Variants in PTPN14 observed in about 807,000 individuals in gnomAD.
PTPN14 encodes the protein tyrosine-protein phosphatase non-receptor type 14.
PTPN14 carries 53 observed loss-of-function variants against 126.8 expected under a neutral mutation model. That is an observed-to-expected ratio of 0.42 (90% CI 0.34 to 0.53). PTPN14 has a LOEUF of 0.53. Ranked by LOEUF, PTPN14 falls within the 20% of genes least tolerant of loss-of-function variation. The pLI is 0.08. For synonymous variants in PTPN14, 630 were observed against 599.3 expected, an observed-to-expected ratio of 1.05 and a Z score of -0.75; for missense variants, 1,257 against 1,552.9, an observed-to-expected ratio of 0.81 and a Z score of 3.20.
At chr1:214,362,907 G>C (rs1657989656) in intron 18 of PTPN14, among the ~76,000 whole-genome samples, 2 of 151,996 alleles carry the variant, frequency 1.3e-5, no homozygotes, top group Admixed American at 1.3e-4. Flanking sequence ...GGGAAGGAAA[G>C]GACGATTAGG....
At chr1:214,424,552 G>A (rs1280054266) in intron 3 of PTPN14, among the ~76,000 whole-genome samples, 1 of 150,190 alleles carries the variant, frequency 6.7e-6, no homozygotes, top group Non-Finnish European at 1.5e-5. Flanking sequence ...TTTTTAGACA[G>A]AGTCTTGCTC....
intron 1 of PTPN14, among the ~76,000 whole-genome samples, chr1:214,506,117 C>G (rs1558133658): frequency 2.0e-5 from 3 of 152,152 alleles, no homozygotes; most frequent in Non-Finnish European, 4.4e-5. Flanking sequence ...GGAAAGGAAA[C>G]TAAGACTGAT....
intron 1 of PTPN14, among the ~76,000 whole-genome samples, chr1:214,517,174 C>T (rs1655124476): frequency 1.3e-5 from 2 of 152,222 alleles, no homozygotes. Context: ...CAGCCCTGCA[C>T]AGCTACCTCC....
chr1:214,427,996 C>G (rs573764574), intron 3 of PTPN14, among the ~76,000 whole-genome samples: 1 of 152,136 alleles, frequency 6.6e-6, no homozygotes, highest in East Asian at 1.9e-4. Flanking sequence ...CAAAAGGCCT[C>G]GCAGGGCACG....
chr1:214,351,594 C>G lies in PTPN14; in HGVS notation c.*6328G>C, dbSNP rs1657710215. 1 of 152,282 alleles carries G rather than the reference C, an allele frequency of 6.6e-6. No homozygotes were observed. The highest frequency in any genetic ancestry group is 2.4e-5 in the African/African-American group (1 of 41,468). The allele number at this position is 152,282 out of a possible 1,614,324, so 9.4% of individuals were successfully genotyped here. On this transcript the variant is annotated 3_prime_UTR_variant, in exon 19 of 19. Transcript: ENST00000366956. ...ATGGGTAAGCAGAATGCTCTGCTAA[C>G]AAGCAAGGCAAGGAAAGGCTGCCAG...
intron 3 of PTPN14, among the ~76,000 whole-genome samples, chr1:214,428,956 T>C (rs1223628897): frequency 6.6e-6 from 1 of 152,232 alleles, no homozygotes; most frequent in Non-Finnish European, 1.5e-5. Context: ...TACTAAGCCA[T>C]GCATTTCTGC....
intron 1 of PTPN14, among the ~76,000 whole-genome samples, chr1:214,512,417 C>T (rs1217728413): frequency 6.6e-6 from 1 of 152,126 alleles, no homozygotes; most frequent in Non-Finnish European, 1.5e-5. Context: ...AAATTAAAAT[C>T]CCTTGGGTAC....
At chr1:214,365,261 A>AC (rs1658054731) in intron 17 of PTPN14, among the ~76,000 whole-genome samples, 1 of 151,840 alleles carries the variant, frequency 6.6e-6, no homozygotes, top group East Asian at 1.9e-4. Flanking sequence ...CCCAAGATGA[A>AC]CCCCCATTCT....
At chr1:214,360,175 G>A (rs1210992237) in intron 18 of PTPN14, among the ~76,000 whole-genome samples, 1 of 152,194 alleles carries the variant, frequency 6.6e-6, no homozygotes, top group African/African-American at 2.4e-5. Flanking sequence ...AAACTCAGCT[G>A]TATGCCTGAC....
rs200947677 is a variant in PTPN14, at chr1:214,384,141, G to A, written c.1714C>T (p.Arg572Trp). The change falls in exon 13 of 19, where the codon CGG (arginine) becomes TGG (tryptophan). Residue 572 changes from arginine (R) to tryptophan (W), a missense_variant. Physicochemically the swap from Arg to Trp is moderately radical, Grantham distance 101. Transcript: ENST00000366956. This position sits in a 1 kb window ranked among gnomAD's most constrained non-coding sequence, Gnocchi z 5.3. Reference sequence around the variant, plus strand: ...GGGGTGCTGGTGGCAGGTCGTGGCCGTGGGTAGGGGGGCGGTGGCCTGAAG... The same window carrying A: ...GGGGTGCTGGTGGCAGGTCGTGGCCATGGGTAGGGGGGCGGTGGCCTGAAG... Reference protein sequence around the residue: ...YLFRPPPPYPRPRPATSTPDL... With the variant: ...YLFRPPPPYPWPRPATSTPDL... The A allele has an allele frequency of 3.7e-5, 58 of 1,576,624 alleles. No homozygotes were observed. The highest frequency in any genetic ancestry group is 1.3e-4 in the East Asian group (6 of 44,584).
At chr1:214,403,758 G>A (rs12129366) in intron 5 of PTPN14, among the ~76,000 whole-genome samples, 23,059 of 152,262 alleles carry the variant, frequency 0.15, 1,877 homozygotes, top group Middle Eastern at 0.19. Flanking sequence ...CCGAAGCAAT[G>A]CATTCTTGAG....
intron 3 of PTPN14, among the ~76,000 whole-genome samples, chr1:214,449,379 T>C (rs919437742): frequency 1.3e-5 from 2 of 152,220 alleles, no homozygotes; most frequent in African/African-American, 4.8e-5. Context: ...TCCCTCTTTA[T>C]TTCAACTGCT....
chr1:214,460,709 A>G (rs984706365), intron 2 of PTPN14, among the ~76,000 whole-genome samples: 2 of 152,100 alleles, frequency 1.3e-5, no homozygotes, highest in African/African-American at 2.4e-5. Flanking sequence ...CCGCAGCACA[A>G]GCAGTTCCCC....
At chr1:214,526,021 A>T (rs1328375484) in intron 1 of PTPN14, among the ~76,000 whole-genome samples, 1 of 147,926 alleles carries the variant, frequency 6.8e-6, no homozygotes. Flanking sequence ...GCTGGAGTGC[A>T]GTGGCATGAT....
intron 1 of PTPN14, among the ~76,000 whole-genome samples, chr1:214,525,469 T>C (rs1052934031): frequency 1.6e-4 from 24 of 152,242 alleles, no homozygotes; most frequent in African/African-American, 5.8e-4. Flanking sequence ...ACATGACTTA[T>C]CACAGCAAAA....
At chr1:214,390,267 A>T (rs1483409815) in intron 11 of PTPN14, among the ~76,000 whole-genome samples, 1 of 152,262 alleles carries the variant, frequency 6.6e-6, no homozygotes, top group Non-Finnish European at 1.5e-5. Flanking sequence ...AATTCTTAAC[A>T]TCTGTTATCC....
intron 1 of PTPN14, among the ~76,000 whole-genome samples, chr1:214,518,781 C>CA (rs1377773617): frequency 1.3e-5 from 2 of 151,456 alleles, no homozygotes; most frequent in Admixed American, 1.3e-4. Flanking sequence ...TAAACTGAAA[C>CA]AAAAAAAGAG....
intron 2 of PTPN14, among the ~76,000 whole-genome samples, chr1:214,456,592 G>A (rs1415744624): frequency 6.6e-6 from 1 of 152,030 alleles, no homozygotes; most frequent in Non-Finnish European, 1.5e-5. Flanking sequence ...CTTTATAAAA[G>A]TACATGAAAA....
In PTPN14 at chr1:214,364,772, TG is replaced by T; in HGVS notation, c.3272-98del. The T allele has an allele frequency of 1.9e-6, 1 of 531,236 alleles. No individual in the cohort carries two copies. Among genetic ancestry groups the T allele is most frequent in the Admixed American group, 3.6e-5 (1 of 27,792 alleles). The allele number at this position is 531,236 out of a possible 1,614,324, so 32.9% of individuals were successfully genotyped here. The stretch of plus-strand genomic sequence containing the variant: ...CGGAAGAGAACTGATGGTGAGTGTG[TG>T]TGTGTGTGTGTGTGTGTGTGTGTGT... On this transcript the variant is annotated intron_variant, in intron 17 of 18. Coordinates refer to ENST00000366956, the MANE Select transcript of PTPN14 (RefSeq NM_005401.5). The surrounding 1 kb of genome is among the most constrained non-coding windows in gnomAD (Gnocchi z 4.1).
Sources: allele counts gnomAD v4.1 joint callset (sites outside exome capture counted in the v4.1 genomes callset), GRCh38; gene constraint gnomAD v4.1.1; non-coding constraint Gnocchi (gnomAD v3.1); transcripts MANE v1.5; gene names NCBI Gene and HGNC (gene_info 2026-07-23, HGNC 2026-07-21).